Variants in ZNF264 observed in about 807,000 individuals in gnomAD.
ZNF264 encodes the protein zinc finger protein 264.
In ZNF264, 11 loss-of-function variants were observed where a neutral mutation model predicts 11.2. That is an observed-to-expected ratio of 0.98 (90% CI 0.62 to 1.63). The LOEUF (loss-of-function observed/expected upper bound fraction) is 1.63, where lower values mean the gene tolerates loss of function less well. ZNF264 is among the 40% of genes most tolerant of loss of function. The pLI is 0.00. For synonymous variants in ZNF264, 309 were observed against 279.8 expected (o/e 1.10, Z -1.04); for missense variants, 752 against 768.1 (o/e 0.98, Z 0.25).
intron 2 of ZNF264, among the ~76,000 whole-genome samples, chr19:57,197,242 T>C (rs1237503236): frequency 6.6e-6 from 1 of 151,776 alleles, no homozygotes; most frequent in East Asian, 1.9e-4. Flanking sequence ...CAATCACATA[T>C]ATACCACTTT....
chr19:57,195,449 C>T (rs1191087132), intron 2 of ZNF264, among the ~76,000 whole-genome samples: 1 of 152,216 alleles, frequency 6.6e-6, no homozygotes, highest in East Asian at 1.9e-4. Flanking sequence ...CCTTCTTCTC[C>T]TGCACATTCT....
At chr19:57,203,703 G>A (rs1323929554) in intron 2 of ZNF264, among the ~76,000 whole-genome samples, 8 of 152,094 alleles carry the variant, frequency 5.3e-5, no homozygotes, top group Non-Finnish European at 1.2e-4. Flanking sequence ...ATGAAATGCA[G>A]AGGTCTGGAA....
rs1208224705 is a variant in ZNF264, at chr19:57,214,900, A to G, written c.*1919A>G. On this transcript the variant is annotated 3_prime_UTR_variant, in exon 4 of 4. Coordinates refer to ENST00000263095, the MANE Select transcript of ZNF264 (RefSeq NM_003417.5). Reference sequence around the variant, plus strand: ...TGAGCCAGCCTTGCATCCTTAGAATAAACCATACTTGTTTGTAGAGTATAA... The same window carrying G: ...TGAGCCAGCCTTGCATCCTTAGAATGAACCATACTTGTTTGTAGAGTATAA... 1 of 152,240 alleles carries G rather than the reference A, an allele frequency of 6.6e-6. No individual in the cohort carries two copies. Among genetic ancestry groups the G allele is most frequent in the Non-Finnish European group, 1.5e-5 (1 of 68,046 alleles). 9.4% of individuals were successfully genotyped at this position (152,240 alleles called of 1,614,324 possible). A position where few individuals can be genotyped will look rare whatever the true frequency, so the allele number is the denominator to read the frequency against.
intron 2 of ZNF264, among the ~76,000 whole-genome samples, chr19:57,198,275 C>T (rs1213595225): frequency 6.6e-6 from 1 of 151,956 alleles, no homozygotes; most frequent in African/African-American, 2.4e-5. Flanking sequence ...AATTCACAGT[C>T]ATTCTCTAAG....
In ZNF264 at chr19:57,218,107, A is replaced by C. The variant is rs1458827180; in HGVS notation, c.*5126A>C. On this transcript the variant is annotated 3_prime_UTR_variant, in exon 4 of 4. Transcript: ENST00000263095. ...TTCTTGAAATCCCAAACCTTCTATTAACATTTCTTTTCAGTTATACACTGA... is the reference window on the plus strand; with the variant it reads ...TTCTTGAAATCCCAAACCTTCTATTCACATTTCTTTTCAGTTATACACTGA... 1 of 152,104 alleles carries C rather than the reference A, an allele frequency of 6.6e-6. No homozygotes were observed. The highest frequency in any genetic ancestry group is 1.5e-5 in the Non-Finnish European group (1 of 68,004). The allele number at this position is 152,104 out of a possible 1,614,324, so 9.4% of individuals were successfully genotyped here. A position where few individuals can be genotyped will look rare whatever the true frequency, so the allele number is the denominator to read the frequency against.
rs539918224 is a variant in ZNF264 at position 57,214,091 on chromosome 19, T to C, written c.*1110T>C. The C allele has an allele frequency of 6.6e-6, 1 of 152,212 alleles. No individual in the cohort carries two copies. Among genetic ancestry groups the C allele is most frequent in the Non-Finnish European group, 1.5e-5 (1 of 68,036 alleles). 9.4% of individuals were successfully genotyped at this position (152,212 alleles called of 1,614,324 possible). ...ACATTGTTTTGCTACCCTGCAACCT[T>C]ATTGAGTTCACTTATTATTTTTAGC... On this transcript the variant is annotated 3_prime_UTR_variant, in exon 4 of 4. Coordinates refer to ENST00000263095, the MANE Select transcript of ZNF264 (RefSeq NM_003417.5).
chr19:57,200,461 AAAAG>A (rs1223701681), intron 2 of ZNF264, among the ~76,000 whole-genome samples: 1 of 150,720 alleles, frequency 6.6e-6, no homozygotes, highest in East Asian at 1.9e-4. Flanking sequence ...TGAAAAAAAA[AAAAG>A]CCACTCAGTA....
In ZNF264 at chr19:57,211,744, ACCT is replaced by A; in HGVS notation, c.651_653del (p.Leu218del). ...TGTGGAAAAGTATTTAACAAGAAAC[ACCT>A]CCTTGCTGGACATGAGAAAATTCAC... On this transcript the variant is annotated inframe_deletion, in exon 4 of 4. Transcript: ENST00000263095. The A allele has an allele frequency of 6.2e-7, 1 of 1,614,002 alleles. No individual in the cohort carries two copies. Among genetic ancestry groups the A allele is most frequent in the Non-Finnish European group, 8.5e-7 (1 of 1,180,000 alleles).
Position 57,214,237 on chromosome 19 carries a change from T to C in ZNF264, c.*1256T>C, listed in dbSNP as rs141535318. On this transcript the variant is annotated 3_prime_UTR_variant, in exon 4 of 4. Transcript: ENST00000263095. ...TTTTATTTCCTTTTTGTTTGTCTTA[T>C]TGCATTGCACAAGCTGGGACTTCCA... 2.0e-5 allele frequency: 3 copies of C among 152,348 alleles called. No individual in the cohort carries two copies. The highest frequency in any genetic ancestry group is 2.9e-5 in the Non-Finnish European group (2 of 68,040). 9.4% of individuals were successfully genotyped at this position (152,348 alleles called of 1,614,324 possible).
At chr19:57,192,418 C>G in intron 1 of ZNF264, 1 of 985,394 alleles carries the variant, frequency 1.0e-6, no homozygotes, top group South Asian at 4.7e-5. Context: ...TAGCCATCCG[C>G]AACTACTGCA....
In ZNF264 at chr19:57,211,829, A is replaced by C; in HGVS notation, c.732A>C (p.Thr244=). Residue 244 remains threonine (T), a synonymous_variant, in exon 4 of 4, where the codon ACA becomes ACC. Transcript: ENST00000263095. ...TECGKTFIKS[T]HLLQHHMIHT... The stretch of plus-strand genomic sequence containing the variant: ...GTGGGAAAACCTTTATTAAGAGCAC[A>C]CATCTCCTGCAACATCACATGATCC... 6.2e-7 allele frequency: 1 copy of C among 1,614,132 alleles called. No homozygotes were observed.
At chr19:57,210,834 C>CT (rs1398509751) in intron 3 of ZNF264, among the ~76,000 whole-genome samples, 3 of 152,182 alleles carry the variant, frequency 2.0e-5, no homozygotes, top group African/African-American at 7.2e-5. Context: ...TTTGCATAAA[C>CT]TGTCAGATAG....
intron 3 of ZNF264, among the ~76,000 whole-genome samples, chr19:57,206,211 A>C (rs2087290972): frequency 6.6e-6 from 1 of 152,250 alleles, no homozygotes; most frequent in Middle Eastern, 3.4e-3. Flanking sequence ...CTCTCAGTCC[A>C]CTACATTGAG....
At position 57,217,013 on chromosome 19, in the gene ZNF264, A is replaced by G. The variant is rs980649385; in HGVS notation, c.*4032A>G. ...GCATTTAATACACCTACCCTGCTGA[A>G]CATCATAGCCGATCTTGCCTTCAGA... On this transcript the variant is annotated 3_prime_UTR_variant, in exon 4 of 4. Coordinates refer to ENST00000263095, the MANE Select transcript of ZNF264 (RefSeq NM_003417.5). 3.3e-5 allele frequency: 5 copies of G among 152,166 alleles called. No individual in the cohort carries two copies. The highest frequency in any genetic ancestry group is 7.4e-5 in the Non-Finnish European group (5 of 68,024). The allele number at this position is 152,166 out of a possible 1,614,324, so 9.4% of individuals were successfully genotyped here.
At chr19:57,192,310 GT>G in intron 1 of ZNF264, 1 of 983,640 alleles carries the variant, frequency 1.0e-6, no homozygotes, top group Non-Finnish European at 1.2e-6. Context: ...TATGTTGTAT[GT>G]TTAAGGAGGC....
At chr19:57,200,865 G>A (rs964936198) in intron 2 of ZNF264, among the ~76,000 whole-genome samples, 1 of 151,810 alleles carries the variant, frequency 6.6e-6, no homozygotes, top group Non-Finnish European at 1.5e-5. Context: ...ATCCGCCTCA[G>A]CCTCCCAAAG....
At chr19:57,196,342 A>G (rs2087211409) in intron 2 of ZNF264, among the ~76,000 whole-genome samples, 1 of 151,960 alleles carries the variant, frequency 6.6e-6, no homozygotes, top group Non-Finnish European at 1.5e-5. Flanking sequence ...GCAAACCCAT[A>G]TCCAGAGTAA....
At chr19:57,203,734 C>T (rs901434381) in intron 2 of ZNF264, among the ~76,000 whole-genome samples, 2 of 152,178 alleles carry the variant, frequency 1.3e-5, no homozygotes, top group Non-Finnish European at 2.9e-5. Context: ...TGCCCCTCCC[C>T]CTGGCTGCTG....
chr19:57,192,604 G>T, intron 1 of ZNF264: 1 of 979,032 alleles, frequency 1.0e-6, no homozygotes, highest in Non-Finnish European at 1.2e-6. Flanking sequence ...GGATCTGGGA[G>T]ACCCAGGGAG....
Sources: allele counts gnomAD v4.1 joint callset (sites outside exome capture counted in the v4.1 genomes callset), GRCh38; gene constraint gnomAD v4.1.1; transcripts MANE v1.5; gene names NCBI Gene and HGNC (gene_info 2026-07-23, HGNC 2026-07-21).